Variants in CYTH3 observed in about 807,000 individuals in gnomAD.
CYTH3 encodes the protein cytohesin-3.
In CYTH3, 23 loss-of-function variants were observed where a neutral mutation model predicts 55.1. The ratio of observed to expected loss-of-function variants is 0.42; its 90% confidence interval spans 0.30 to 0.59. The LOEUF (loss-of-function observed/expected upper bound fraction) is 0.59. Among genes scored for constraint, CYTH3 ranks in the 20% least tolerant of loss-of-function variants. The probability of loss-of-function intolerance (pLI) is 0.20; values close to 1 mark genes in which losing one functional copy is unlikely to be tolerated. For missense variants in CYTH3, 413 were observed against 524.8 expected (o/e 0.79, Z 2.08); for synonymous variants, 249 against 194.9 (o/e 1.28, Z -2.31).
intron 1 of CYTH3, among the ~76,000 whole-genome samples, chr7:6,202,457 GTT>G (rs34849107): frequency 0.013 from 1,705 of 126,458 alleles, 7 homozygotes; most frequent in Middle Eastern, 0.035. Flanking sequence ...GCCATTGCTA[GTT>G]TTTTTTTTTT....
chr7:6,263,781 G>C (rs1297589365), intron 1 of CYTH3, among the ~76,000 whole-genome samples: 1 of 147,656 alleles, frequency 6.8e-6, no homozygotes, highest in Non-Finnish European at 1.5e-5. Context: ...CTGGGAAACA[G>C]AGTGAGGACA....
intron 1 of CYTH3, among the ~76,000 whole-genome samples, chr7:6,194,702 G>A (rs1783879528): frequency 6.6e-6 from 1 of 150,498 alleles, no homozygotes; most frequent in African/African-American, 2.5e-5. Flanking sequence ...AATAGGCCGG[G>A]CACGTGGCTC....
chr7:6,215,589 CA>C (rs35017027), intron 1 of CYTH3, among the ~76,000 whole-genome samples: 3,588 of 61,448 alleles, frequency 0.058, 39 homozygotes, highest in Middle Eastern at 0.17. Flanking sequence ...GTCTCCATCT[CA>C]AAAAAAAAAA....
intron 1 of CYTH3, among the ~76,000 whole-genome samples, chr7:6,262,983 A>C (rs1361512411): frequency 6.6e-6 from 1 of 152,096 alleles, no homozygotes; most frequent in Non-Finnish European, 1.5e-5. Flanking sequence ...ATGAACCCTC[A>C]CAATAGTTTT....
chr7:6,199,411 G>A (rs575635038), intron 1 of CYTH3, among the ~76,000 whole-genome samples: 1 of 152,326 alleles, frequency 6.6e-6, no homozygotes, highest in South Asian at 2.1e-4. Context: ...AGCCACTGGG[G>A]AGTCTGTAGC....
At chr7:6,259,964 G>A (rs1562418452) in intron 1 of CYTH3, among the ~76,000 whole-genome samples, 1 of 146,298 alleles carries the variant, frequency 6.8e-6, no homozygotes, top group Non-Finnish European at 1.5e-5. Flanking sequence ...CTAAGTAGCT[G>A]GGATTGCAGG....
rs182509759 is a variant in CYTH3, at chr7:6,193,043, G to T, written c.35-2512C>A. 1.6e-3 allele frequency among the ~76,000 whole-genome samples: 241 copies of T among 151,894 alleles called. 7 individuals are homozygous for T. Among genetic ancestry groups the T allele is most frequent in the Admixed American group, 0.016 (240 of 15,256 alleles). Reference sequence around the variant, plus strand: ...AAAAATTAGCTGGGTGTAGTGGTGGGCGCCTGTAATCCCAGTTACTGGGGA... The same window carrying T: ...AAAAATTAGCTGGGTGTAGTGGTGGTCGCCTGTAATCCCAGTTACTGGGGA... On this transcript the variant is annotated intron_variant, in intron 1 of 12. Coordinates refer to ENST00000350796, the MANE Select transcript of CYTH3 (RefSeq NM_004227.4).
At chr7:6,215,446 C>T (rs1459803841) in intron 1 of CYTH3, among the ~76,000 whole-genome samples, 1 of 151,880 alleles carries the variant, frequency 6.6e-6, no homozygotes, top group Non-Finnish European at 1.5e-5. Flanking sequence ...AAAAATTAGC[C>T]GGGTGTGGTG....
chr7:6,255,758 G>GTTTTTTTTTTTTTTTTTTTTTTTTTTTT, intron 1 of CYTH3, among the ~76,000 whole-genome samples: 1 of 89,404 alleles, frequency 1.1e-5, no homozygotes, highest in Non-Finnish European at 2.1e-5. Context: ...CCTTTAATCT[G>GTTTTTTTTTTTTTTTTTTTTTTTTTTTT]TTTTTTTTTT....
rs1402596363 is a variant in CYTH3, at chr7:6,169,140, T to G, written c.823+1395A>C. On this transcript the variant is annotated intron_variant, in intron 9 of 12. Coordinates refer to ENST00000350796, the MANE Select transcript of CYTH3 (RefSeq NM_004227.4). The surrounding 1 kb of genome is among the most constrained non-coding windows in gnomAD (Gnocchi z 4.1). The stretch of plus-strand genomic sequence containing the variant: ...CAATGGCCAAGGTCAAAGACCCTAA[T>G]GGGAATGGCAGACCTGTGGGACTCA... Among the ~76,000 whole-genome samples, 3 of 152,204 alleles carry G rather than the reference T, an allele frequency of 2.0e-5. No individual in the cohort carries two copies. The highest frequency in any genetic ancestry group is 2.0e-4 in the Admixed American group (3 of 15,286).
chr7:6,272,410 G>GGGGGGGGGGGCCCCGC, intron 1 of CYTH3, 64 bp downstream of exon 1: 1 of 1,216,616 alleles, frequency 8.2e-7, no homozygotes, highest in Non-Finnish European at 1.1e-6. Context: ...CCGCGCCCTC[G>GGGGGGGGGGGCCCCGC]ACCCCCAGCC....
intron 1 of CYTH3, among the ~76,000 whole-genome samples, chr7:6,222,432 C>T (rs1377190455): frequency 6.6e-6 from 1 of 152,072 alleles, no homozygotes; most frequent in African/African-American, 2.4e-5. Flanking sequence ...GAATCCCAGG[C>T]AAATGTTACT....
intron 1 of CYTH3, among the ~76,000 whole-genome samples, chr7:6,191,362 TCA>T (rs1444874975): frequency 6.6e-6 from 1 of 152,132 alleles, no homozygotes; most frequent in Non-Finnish European, 1.5e-5. Flanking sequence ...AAAATATGAT[TCA>T]CAGCAGAGCT....
rs949872274 is a variant in CYTH3 at position 6,167,181 on chromosome 7, C to G, written c.824-1371G>C. Among the ~76,000 whole-genome samples the G allele has an allele frequency of 6.6e-6, 1 of 152,182 alleles. No individual in the cohort carries two copies. The highest frequency in any genetic ancestry group is 2.4e-5 in the African/African-American group (1 of 41,442). ...TGTTGCCCTCGTGTCCCTGTCTCAC[C>G]GCGGGCTCCATGCTCTCTGCAAGCC... On this transcript the variant is annotated intron_variant, in intron 9 of 12. Transcript: ENST00000350796. The surrounding 1 kb of genome is among the most constrained non-coding windows in gnomAD (Gnocchi z 5.5).
At chr7:6,185,512 C>G (rs546911833) in intron 4 of CYTH3, among the ~76,000 whole-genome samples, 30 of 152,078 alleles carry the variant, frequency 2.0e-4, no homozygotes, top group Admixed American at 1.6e-3. Flanking sequence ...CTAGCTAACA[C>G]AGTGAAACCC....
At chr7:6,264,073 C>A (rs931424737) in intron 1 of CYTH3, among the ~76,000 whole-genome samples, 1 of 151,620 alleles carries the variant, frequency 6.6e-6, no homozygotes, top group African/African-American at 2.4e-5. Context: ...ATGGTGAAAC[C>A]CCATCGCTAC....
intron 1 of CYTH3, among the ~76,000 whole-genome samples, chr7:6,264,078 C>A (rs1048434917): frequency 1.3e-5 from 2 of 152,036 alleles, no homozygotes; most frequent in Non-Finnish European, 1.5e-5. Flanking sequence ...GAAACCCCAT[C>A]GCTACTAAAA....
chr7:6,243,282 G>T (rs903205965), intron 1 of CYTH3, among the ~76,000 whole-genome samples: 6 of 152,216 alleles, frequency 3.9e-5, no homozygotes, highest in African/African-American at 1.4e-4. Flanking sequence ...GTGCATAGAG[G>T]AGCAGGTCTG....
chr7:6,195,518 G>T (rs148717961), intron 1 of CYTH3, among the ~76,000 whole-genome samples: 3 of 151,840 alleles, frequency 2.0e-5, no homozygotes, highest in African/African-American at 7.3e-5. Flanking sequence ...ACAATGGCAC[G>T]ATCTGGGCTC....
Sources: gnomAD v4.1 joint callset for allele counts (sites outside exome capture counted in the v4.1 genomes callset) on GRCh38, gnomAD v4.1.1 for gene constraint, Gnocchi (gnomAD v3.1) non-coding constraint, MANE v1.5 for transcripts, NCBI Gene and HGNC (gene_info 2026-07-23, HGNC 2026-07-21) for gene names.